Variants in CYP7B1 observed in about 807,000 individuals in gnomAD.
CYP7B1 encodes cytochrome P450 family 7 subfamily B member 1.
A neutral mutation model predicts 42.7 loss-of-function variants in CYP7B1; 29 were observed. That is an observed-to-expected ratio of 0.68 (90% CI 0.51 to 0.93). CYP7B1 has a LOEUF of 0.93. Ranked by LOEUF, CYP7B1 falls within the 40% of genes least tolerant of loss-of-function variation. The pLI is 0.00. For synonymous variants in CYP7B1, 235 were observed against 218.2 expected, an observed-to-expected ratio of 1.08 and a Z score of -0.68; for missense variants, 655 against 600.5, an observed-to-expected ratio of 1.09 and a Z score of -0.95.
At chr8:64,606,535 A>G (rs34522585) in intron 4 of CYP7B1, among the ~76,000 whole-genome samples, 11,131 of 152,306 alleles carry the variant, frequency 0.073, 478 homozygotes, top group Non-Finnish European at 0.1. Flanking sequence ...GGGCAGGCAT[A>G]TAACAGTCCG....
chr8:64,683,723 T>C (rs1354279791), intron 1 of CYP7B1, among the ~76,000 whole-genome samples: 1 of 152,172 alleles, frequency 6.6e-6, no homozygotes, highest in Non-Finnish European at 1.5e-5. Flanking sequence ...TATAAATATA[T>C]ACACCTACTA....
In CYP7B1 at chr8:64,774,831, ACTT is replaced by A. The variant is rs532671413; in HGVS notation, c.122+23632_122+23634del. On this transcript the variant is annotated intron_variant, in intron 1 of 5. Transcript: ENST00000310193. ...CCAAAATCAACTGTTTGCCTCCAAA[ACTT>A]CTTCTATCCTCAGAGGTAAAATAAC... Among the ~76,000 whole-genome samples the A allele has an allele frequency of 2.9e-3, 435 of 152,224 alleles. 3 individuals carry two copies. The highest frequency in any genetic ancestry group is 9.1e-3 in the African/African-American group (378 of 41,532).
At chr8:64,750,081 A>T (rs1033490641) in intron 1 of CYP7B1, among the ~76,000 whole-genome samples, 1 of 152,240 alleles carries the variant, frequency 6.6e-6, no homozygotes, top group Non-Finnish European at 1.5e-5. Flanking sequence ...ATGATACTCC[A>T]GGAAAAAAGA....
At chr8:64,721,566 G>T (rs934036455) in intron 1 of CYP7B1, among the ~76,000 whole-genome samples, 1 of 152,152 alleles carries the variant, frequency 6.6e-6, no homozygotes, top group Admixed American at 6.5e-5. Flanking sequence ...ATGATTAAAA[G>T]ATTAATATTT....
At chr8:64,737,645 T>C (rs1055606460) in intron 1 of CYP7B1, among the ~76,000 whole-genome samples, 10 of 152,232 alleles carry the variant, frequency 6.6e-5, no homozygotes, top group African/African-American at 2.2e-4. Context: ...TTAAACTGCA[T>C]TGCCTGAAAA....
intron 1 of CYP7B1, among the ~76,000 whole-genome samples, chr8:64,793,793 A>T (rs1804660254): frequency 6.6e-6 from 1 of 152,088 alleles, no homozygotes; most frequent in South Asian, 2.1e-4. Flanking sequence ...ATATTTATTG[A>T]TATCAACTTA....
intron 1 of CYP7B1, among the ~76,000 whole-genome samples, chr8:64,730,430 A>G (rs1807391559): frequency 6.6e-6 from 1 of 152,046 alleles, no homozygotes; most frequent in Non-Finnish European, 1.5e-5. Context: ...CCATAGGTTT[A>G]TCACTGAGAG....
chr8:64,775,418 A>G (rs1804307567), intron 1 of CYP7B1, among the ~76,000 whole-genome samples: 1 of 152,192 alleles, frequency 6.6e-6, no homozygotes, highest in African/African-American at 2.4e-5. Context: ...ACTAATAATG[A>G]CTATAAAGAA....
intron 1 of CYP7B1, among the ~76,000 whole-genome samples, chr8:64,702,729 A>G (rs1806936268): frequency 1.3e-5 from 2 of 152,094 alleles, no homozygotes; most frequent in African/African-American, 4.8e-5. Context: ...GTAATTACCT[A>G]TCTGTCAGCG....
chr8:64,717,835 A>G (rs969881866), intron 1 of CYP7B1, among the ~76,000 whole-genome samples: 8 of 151,730 alleles, frequency 5.3e-5, no homozygotes, highest in Non-Finnish European at 7.4e-5. Flanking sequence ...CAACAGAACC[A>G]GACCCTGCCT....
chr8:64,660,102 C>G (rs553273631), intron 1 of CYP7B1, among the ~76,000 whole-genome samples: 2 of 152,304 alleles, frequency 1.3e-5, no homozygotes, highest in East Asian at 3.9e-4. Flanking sequence ...TTCAATTAAT[C>G]TCCAAATAAC....
rs1190012883 is a variant in CYP7B1 at position 64,685,743 on chromosome 8, G to A, written c.123-61204C>T. Among the ~76,000 whole-genome samples the A allele has an allele frequency of 6.9e-5, 4 of 58,018 alleles. 1 individual carries two copies. The highest frequency in any genetic ancestry group is 4.5e-4 in the South Asian group (1 of 2,202). The allele number at this position is 58,018 out of a possible 152,430, so 38.1% of individuals were successfully genotyped here. A position where few individuals can be genotyped will look rare whatever the true frequency, so the allele number is the denominator to read the frequency against. Reference sequence around the variant, plus strand: ...CATCTGGGAAGTGAGGAGCGTCTCCGCCCGGCAGCCACCCCATCCGGGAGG... The same window carrying A: ...CATCTGGGAAGTGAGGAGCGTCTCCACCCGGCAGCCACCCCATCCGGGAGG... On this transcript the variant is annotated intron_variant, in intron 1 of 5. Transcript: ENST00000310193.
intron 1 of CYP7B1, among the ~76,000 whole-genome samples, chr8:64,746,478 A>G (rs553230125): frequency 2.0e-5 from 3 of 152,328 alleles, no homozygotes; most frequent in Admixed American, 2.0e-4. Flanking sequence ...GTTAGTTGCA[A>G]TGACTGTGAA....
At chr8:64,613,277 A>G (rs981726513) in intron 4 of CYP7B1, among the ~76,000 whole-genome samples, 2 of 152,162 alleles carry the variant, frequency 1.3e-5, no homozygotes, top group African/African-American at 4.8e-5. Flanking sequence ...GCTTAAATGG[A>G]TTCAAATTAT....
intron 4 of CYP7B1, among the ~76,000 whole-genome samples, chr8:64,614,584 C>T (rs973780471): frequency 1.6e-4 from 25 of 152,116 alleles, no homozygotes; most frequent in Admixed American, 7.9e-4. Flanking sequence ...CTCCATAAAA[C>T]GTCTAACCTG....
At chr8:64,697,941 A>G (rs1180931395) in intron 1 of CYP7B1, among the ~76,000 whole-genome samples, 1 of 152,226 alleles carries the variant, frequency 6.6e-6, no homozygotes, top group Non-Finnish European at 1.5e-5. Context: ...GGGCTCACAT[A>G]GACCAGATAT....
chr8:64,671,447 C>A (rs1367013283), intron 1 of CYP7B1, among the ~76,000 whole-genome samples: 1 of 152,058 alleles, frequency 6.6e-6, no homozygotes, highest in Non-Finnish European at 1.5e-5. Context: ...AACTCCAAGG[C>A]AATGGAATGA....
chr8:64,625,609 A>G (rs191395637), intron 1 of CYP7B1, among the ~76,000 whole-genome samples: 43 of 152,330 alleles, frequency 2.8e-4, no homozygotes, highest in South Asian at 2.7e-3. Flanking sequence ...TTTGACTAAT[A>G]TTTATGTTAT....
At chr8:64,724,670 T>C (rs1184518028) in intron 1 of CYP7B1, among the ~76,000 whole-genome samples, 3 of 152,124 alleles carry the variant, frequency 2.0e-5, no homozygotes, top group South Asian at 2.1e-4. Context: ...TTTGCTTGTA[T>C]TGGGGCTCTG....
Sources: allele counts gnomAD v4.1 joint callset (sites outside exome capture counted in the v4.1 genomes callset), GRCh38; gene constraint gnomAD v4.1.1; transcripts MANE v1.5; gene names NCBI Gene and HGNC (gene_info 2026-07-23, HGNC 2026-07-21).